The following BICDL1 variants were observed in gnomAD, a reference collection of about 807,000 sequenced individuals.
BICDL1 encodes the protein BICD family-like cargo adapter 1.
Under a neutral mutation model 76.8 loss-of-function variants are expected in BICDL1, and 20 were observed. The ratio of observed to expected loss-of-function variants is 0.26; its 90% confidence interval spans 0.18 to 0.38. The LOEUF (loss-of-function observed/expected upper bound fraction) is 0.38. Among genes scored for constraint, BICDL1 ranks in the 10% least tolerant of loss-of-function variants. The probability of loss-of-function intolerance (pLI) is 1.00; values close to 1 mark genes in which losing one functional copy is unlikely to be tolerated. For missense variants in BICDL1, 700 were observed against 798.6 expected (o/e 0.88, Z 1.49); for synonymous variants, 383 against 337.1 (o/e 1.14, Z -1.49).
At chr12:120,092,218 GC>G in intron 9 of BICDL1, 4 of 985,450 alleles carry the variant, frequency 4.1e-6, no homozygotes, top group Non-Finnish European at 4.8e-6. Context: ...CTGTCCACAG[GC>G]TTCTCTATGG....
intron 1 of BICDL1, among the ~76,000 whole-genome samples, chr12:119,994,497 C>A (rs924613201): frequency 4.7e-5 from 7 of 148,736 alleles, no homozygotes; most frequent in Non-Finnish European, 7.5e-5. Context: ...TAAATAGACT[C>A]TTTTTTTTTC....
intron 2 of BICDL1, among the ~76,000 whole-genome samples, chr12:120,060,409 C>A (rs1369084415): frequency 2.0e-5 from 3 of 152,170 alleles, no homozygotes; most frequent in African/African-American, 7.2e-5. Flanking sequence ...TAAAGCCAAG[C>A]TATGAAATTG....
In BICDL1 at chr12:120,071,188, G is replaced by A. The variant is rs1873075649; in HGVS notation, c.910-434G>A. 6.6e-6 allele frequency among the ~76,000 whole-genome samples: 1 copy of A among 151,578 alleles called. No individual in the cohort carries two copies. Among genetic ancestry groups the A allele is most frequent in the Admixed American group, 6.6e-5 (1 of 15,198 alleles). On this transcript the variant is annotated intron_variant, in intron 4 of 9. Transcript: ENST00000548673. The surrounding 1 kb of genome is among the most constrained non-coding windows in gnomAD (Gnocchi z 4.8). ...GGTGGCGTCTCGCACTGTCACCCAG[G>A]TTGGAGTGCAATGGCGTGATCTTAG...
chr12:120,052,280 TCTAA>T (rs1353635130), intron 2 of BICDL1, among the ~76,000 whole-genome samples: 13 of 148,734 alleles, frequency 8.7e-5, no homozygotes, highest in East Asian at 4.1e-4. Context: ...TCTCTCTCTT[TCTAA>T]CTTTTTCTTT....
chr12:120,073,951 G>C (rs537781748), intron 6 of BICDL1, among the ~76,000 whole-genome samples: 1 of 152,060 alleles, frequency 6.6e-6, no homozygotes, highest in Non-Finnish European at 1.5e-5. Context: ...ACGGAGTCTC[G>C]CTCTGTTGCC....
intron 4 of BICDL1, among the ~76,000 whole-genome samples, chr12:120,069,030 C>T (rs1872882489): frequency 6.6e-6 from 1 of 152,118 alleles, no homozygotes. Context: ...TGGCGTCATT[C>T]CCCTTTTCTA....
chr12:120,022,645 T>C (rs1952208150), intron 2 of BICDL1, among the ~76,000 whole-genome samples: 1 of 151,904 alleles, frequency 6.6e-6, no homozygotes, highest in Non-Finnish European at 1.5e-5. Context: ...TTCCCACTTA[T>C]AAAAACATAC....
At chr12:120,054,603 G>A (rs1341962358) in intron 2 of BICDL1, among the ~76,000 whole-genome samples, 2 of 152,166 alleles carry the variant, frequency 1.3e-5, no homozygotes, top group Non-Finnish European at 2.9e-5. Flanking sequence ...AATAGGCTGG[G>A]TGTGGTGGCT....
At chr12:119,993,428 G>A (rs1297982419) in intron 1 of BICDL1, 6 of 152,086 alleles carry the variant, frequency 3.9e-5, no homozygotes, top group Non-Finnish European at 7.4e-5. Flanking sequence ...GTCATTAAAG[G>A]CATACTATTA....
At chr12:120,021,274 A>G (rs1481275599) in intron 2 of BICDL1, among the ~76,000 whole-genome samples, 1 of 147,806 alleles carries the variant, frequency 6.8e-6, no homozygotes, top group African/African-American at 2.5e-5. Flanking sequence ...ACAGAGCAAG[A>G]CTCCATCTCA....
intron 9 of BICDL1, chr12:120,090,906 TAC>T (rs1229381915): frequency 2.3e-6 from 3 of 1,288,440 alleles, no homozygotes; most frequent in South Asian, 1.2e-5. Flanking sequence ...CTCTCCCGGC[TAC>T]AGTTTGCTTC....
chr12:120,080,738 C>A (rs1873903144), intron 7 of BICDL1, 149 bp from the exon 8 acceptor site: 1 of 720,900 alleles, frequency 1.4e-6, no homozygotes, highest in Non-Finnish European at 2.2e-6. Context: ...CAGGCCCTCT[C>A]TTGAAGCAGG....
intron 2 of BICDL1, among the ~76,000 whole-genome samples, chr12:120,010,522 A>G (rs988752124): frequency 2.6e-5 from 4 of 152,168 alleles, no homozygotes; most frequent in Non-Finnish European, 5.9e-5. Flanking sequence ...ATCCCATATA[A>G]TTTGGAAAAC....
At chr12:120,000,116 A>G (rs1951730773) in intron 2 of BICDL1, among the ~76,000 whole-genome samples, 1 of 152,226 alleles carries the variant, frequency 6.6e-6, no homozygotes, top group Admixed American at 6.5e-5. Context: ...CCAATGGGGA[A>G]GGGAGGAGAA....
At chr12:120,038,284 G>C (rs1016524161) in intron 2 of BICDL1, among the ~76,000 whole-genome samples, 6 of 152,170 alleles carry the variant, frequency 3.9e-5, no homozygotes, top group African/African-American at 1.2e-4. Context: ...TTCCGCCTGA[G>C]AAAACATAGT....
intron 2 of BICDL1, among the ~76,000 whole-genome samples, chr12:120,035,484 G>C (rs539331540): frequency 1.2e-4 from 18 of 152,252 alleles, no homozygotes; most frequent in Admixed American, 9.2e-4. Context: ...ATGAAGCTCA[G>C]AGATGCTAAA....
intron 1 of BICDL1, among the ~76,000 whole-genome samples, chr12:119,991,982 T>C (rs1300866776): frequency 6.6e-6 from 1 of 152,248 alleles, no homozygotes; most frequent in Non-Finnish European, 1.5e-5. Context: ...TTCATTCCTC[T>C]GCAGGTCAGC....
intron 8 of BICDL1, among the ~76,000 whole-genome samples, chr12:120,083,261 GTATT>G (rs1284971998): frequency 6.6e-6 from 1 of 151,926 alleles, no homozygotes; most frequent in Non-Finnish European, 1.5e-5. Flanking sequence ...TACTTTTTAT[GTATT>G]TATTTTTTTG....
At chr12:120,076,674 A>T (rs1467940120) in intron 7 of BICDL1, among the ~76,000 whole-genome samples, 2 of 152,312 alleles carry the variant, frequency 1.3e-5, no homozygotes, top group East Asian at 3.9e-4. Flanking sequence ...CACGCGGGGT[A>T]TAGAATTGGA....
Sources: allele counts gnomAD v4.1 joint callset (sites outside exome capture counted in the v4.1 genomes callset), GRCh38; gene constraint gnomAD v4.1.1; non-coding constraint Gnocchi (gnomAD v3.1); transcripts MANE v1.5; gene names NCBI Gene and HGNC (gene_info 2026-07-23, HGNC 2026-07-21).